NRXN3: variants seen among roughly 807,000 people sequenced by gnomAD.
NRXN3 encodes the protein neurexin 3, also known as neurexin III.
A neutral mutation model predicts 137.6 loss-of-function variants in NRXN3; 32 were observed. That is an observed-to-expected ratio of 0.23 (90% CI 0.18 to 0.31). The LOEUF (loss-of-function observed/expected upper bound fraction) is 0.31, where lower values mean the gene tolerates loss of function less well. Ranked by LOEUF, NRXN3 falls within the 10% of genes least tolerant of loss-of-function variation. The pLI is 1.00. For missense variants in NRXN3, 1,574 were observed against 2,062.5 expected (o/e 0.76, Z 4.59); for synonymous variants, 798 against 784.5 (o/e 1.02, Z -0.29).
intron 16 of NRXN3, among the ~76,000 whole-genome samples, chr14:79,483,832 T>C (rs1250565452): frequency 6.6e-6 from 1 of 152,100 alleles, no homozygotes. Context: ...GCAACACTGT[T>C]CTGTGCACTC....
chr14:79,555,279 G>A (rs1320824629), intron 16 of NRXN3, among the ~76,000 whole-genome samples: 3 of 152,136 alleles, frequency 2.0e-5, no homozygotes, highest in Non-Finnish European at 4.4e-5. Flanking sequence ...AGCATTTGGG[G>A]AAGGGTAAGA....
intron 6 of NRXN3, chr14:78,698,131 C>T (rs888031448): frequency 3.9e-5 from 6 of 152,058 alleles, no homozygotes; most frequent in Non-Finnish European, 8.8e-5. Context: ...CTTCTTAGCC[C>T]CAGAGTTCTG....
chr14:79,597,941 G>A (rs1462835533), intron 16 of NRXN3, among the ~76,000 whole-genome samples: 4 of 152,126 alleles, frequency 2.6e-5, no homozygotes, highest in Non-Finnish European at 2.9e-5. Context: ...GTACTCTAAC[G>A]TGAAGGGTTA....
chr14:78,231,586 T>A (rs185703609), intron 1 of NRXN3: 27 of 152,318 alleles, frequency 1.8e-4, no homozygotes, highest in Admixed American at 1.2e-3. Flanking sequence ...TGGTCCTTTT[T>A]GCCATGACTG....
At chr14:79,819,570 C>T (rs1488829239) in intron 20 of NRXN3, among the ~76,000 whole-genome samples, 4 of 136,942 alleles carry the variant, frequency 2.9e-5, no homozygotes, top group East Asian at 4.9e-4. Flanking sequence ...CTACAACCTC[C>T]GCCTCCCAGG....
chr14:79,064,239 A>G (rs2099677854), intron 15 of NRXN3, among the ~76,000 whole-genome samples: 1 of 152,120 alleles, frequency 6.6e-6, no homozygotes, highest in African/African-American at 2.4e-5. Context: ...TCTCCACAGA[A>G]CTACAATGCC....
chr14:78,599,787 A>G (rs966628172), intron 4 of NRXN3, among the ~76,000 whole-genome samples: 1 of 152,170 alleles, frequency 6.6e-6, no homozygotes, highest in African/African-American at 2.4e-5. Context: ...GTTCTAAAGT[A>G]TTTGCTGGGA....
At chr14:78,308,977 G>A (rs1174371824) in intron 4 of NRXN3, among the ~76,000 whole-genome samples, 1 of 152,052 alleles carries the variant, frequency 6.6e-6, no homozygotes, top group Non-Finnish European at 1.5e-5. Flanking sequence ...GAGTTTTGTG[G>A]TCCAGTATTT....
intron 15 of NRXN3, among the ~76,000 whole-genome samples, chr14:79,227,018 C>T (rs1182077385): frequency 1.3e-5 from 2 of 151,902 alleles, no homozygotes; most frequent in Admixed American, 6.6e-5. Flanking sequence ...ACGGGTTTCA[C>T]CATATTGGTC....
chr14:78,874,219 G>T (rs2099108280), intron 10 of NRXN3, among the ~76,000 whole-genome samples: 1 of 152,092 alleles, frequency 6.6e-6, no homozygotes, highest in Non-Finnish European at 1.5e-5. Flanking sequence ...TGATCCACTT[G>T]CCTTGGACTC....
intron 5 of NRXN3, among the ~76,000 whole-genome samples, chr14:78,650,347 A>G (rs975949890): frequency 3.9e-5 from 6 of 151,932 alleles, no homozygotes; most frequent in African/African-American, 1.5e-4. Flanking sequence ...TTGAGGCCCC[A>G]TCGTTTCTCT....
chr14:78,419,951 G>GTGCA (rs201311935), intron 4 of NRXN3, among the ~76,000 whole-genome samples: 9,637 of 21,786 alleles, frequency 0.44, 449 homozygotes, highest in East Asian at 0.56. Context: ...GTGTGCGCGC[G>GTGCA]CGCGCGCACG....
In NRXN3 at chr14:78,440,769, G is replaced by A. The variant is rs139710713; in HGVS notation, c.757+142909G>A. 4.9e-3 allele frequency among the ~76,000 whole-genome samples: 739 copies of A among 152,258 alleles called. 12 individuals carry two copies. Among genetic ancestry groups the A allele is most frequent in the African/African-American group, 0.017 (701 of 41,560 alleles). ...GGAGGAGGTGAGGAGGGGTTGGGGT[G>A]GGGTGTGCTGCAGGGATTGCTGTCT... On this transcript the variant is annotated intron_variant, in intron 4 of 20. Coordinates refer to ENST00000335750, the MANE Select transcript of NRXN3 (RefSeq NM_001330195.2).
intron 16 of NRXN3, among the ~76,000 whole-genome samples, chr14:79,543,209 G>A (rs1399376908): frequency 2.6e-5 from 4 of 152,160 alleles, no homozygotes; most frequent in Admixed American, 2.0e-4. Context: ...GCCAACTCAG[G>A]TCAGGAAGAA....
At chr14:79,420,560 G>A (rs1210061634) in intron 15 of NRXN3, among the ~76,000 whole-genome samples, 1 of 152,130 alleles carries the variant, frequency 6.6e-6, no homozygotes, top group Non-Finnish European at 1.5e-5. Context: ...ATGGTTGCTA[G>A]TAAGGGGATT....
At chr14:78,915,643 A>C (rs1282935244) in intron 10 of NRXN3, among the ~76,000 whole-genome samples, 1 of 152,152 alleles carries the variant, frequency 6.6e-6, no homozygotes, top group Non-Finnish European at 1.5e-5. Flanking sequence ...TCTCACTGAA[A>C]GATTCAGATC....
chr14:79,779,877 T>G (rs2099108516), intron 19 of NRXN3, among the ~76,000 whole-genome samples: 1 of 152,124 alleles, frequency 6.6e-6, no homozygotes, highest in Admixed American at 6.5e-5. Context: ...TTTTATTTTA[T>G]TTTTTGAGAC....
At chr14:78,670,815 G>A (rs1269605757) in intron 6 of NRXN3, among the ~76,000 whole-genome samples, 1 of 152,176 alleles carries the variant, frequency 6.6e-6, no homozygotes, top group Non-Finnish European at 1.5e-5. Context: ...GAAGAAGCCA[G>A]AAGTTTCTGG....
intron 8 of NRXN3, among the ~76,000 whole-genome samples, chr14:78,761,084 G>A (rs886584223): frequency 6.6e-6 from 1 of 152,130 alleles, no homozygotes; most frequent in African/African-American, 2.4e-5. Context: ...GCCATATCTA[G>A]AACTGGGGAA....
Sources: gnomAD v4.1 joint callset for allele counts (sites outside exome capture counted in the v4.1 genomes callset) on GRCh38, gnomAD v4.1.1 for gene constraint, MANE v1.5 for transcripts, NCBI Gene and HGNC (gene_info 2026-07-23, HGNC 2026-07-21) for gene names.